MAMDC2: variants seen among roughly 807,000 people sequenced by gnomAD.
The protein encoded by MAMDC2 is MAM domain containing 2.
Under a neutral mutation model 89.8 loss-of-function variants are expected in MAMDC2, and 57 were observed. That is an observed-to-expected ratio of 0.63 (90% CI 0.51 to 0.79). The LOEUF (loss-of-function observed/expected upper bound fraction) is 0.79, where lower values mean the gene tolerates loss of function less well. Among genes scored for constraint, MAMDC2 ranks in the 30% least tolerant of loss-of-function variants. MAMDC2 has a pLI of 0.00. For missense variants in MAMDC2, 800 were observed against 820.6 expected (o/e 0.97, Z 0.31); for synonymous variants, 313 against 293.4 (o/e 1.07, Z -0.68).
At chr9:70,062,827 C>A (rs150747067) in intron 2 of MAMDC2, 1 of 152,216 alleles carries the variant, frequency 6.6e-6, no homozygotes, top group African/African-American at 2.4e-5. Flanking sequence ...GCACAATCTA[C>A]AAAAACTTAG....
At chr9:70,198,052 A>G (rs564148736) in intron 11 of MAMDC2, among the ~76,000 whole-genome samples, 20 of 150,750 alleles carry the variant, frequency 1.3e-4, no homozygotes, top group African/African-American at 4.7e-4. Flanking sequence ...ATATTTTTAT[A>G]ATTGTTCTAT....
chr9:70,135,111 T>A (rs7020575), intron 7 of MAMDC2, among the ~76,000 whole-genome samples: 136,484 of 152,258 alleles, frequency 0.9, 61,570 homozygotes, highest in East Asian at 1. Context: ...TCTCATTTCT[T>A]AAAAGTTCAA....
chr9:70,199,446 A>G (rs987094085), intron 11 of MAMDC2, among the ~76,000 whole-genome samples: 2 of 148,860 alleles, frequency 1.3e-5, no homozygotes, highest in Non-Finnish European at 3.0e-5. Flanking sequence ...AATCCAGTCT[A>G]TCATTGTTGG....
At chr9:70,101,980 A>G (rs1828208638) in intron 2 of MAMDC2, among the ~76,000 whole-genome samples, 1 of 152,222 alleles carries the variant, frequency 6.6e-6, no homozygotes, top group African/African-American at 2.4e-5. Flanking sequence ...TGCCATTTTT[A>G]TGTACAACAC....
chr9:70,162,694 G>A (rs1235045930), intron 9 of MAMDC2, among the ~76,000 whole-genome samples: 1 of 151,986 alleles, frequency 6.6e-6, no homozygotes, highest in Non-Finnish European at 1.5e-5. Context: ...GTTTTGCCAT[G>A]TTGCTCAGGC....
At chr9:70,073,869 G>A (rs1015606146) in intron 2 of MAMDC2, among the ~76,000 whole-genome samples, 4 of 152,170 alleles carry the variant, frequency 2.6e-5, no homozygotes, top group African/African-American at 9.7e-5. Context: ...AACAGTGCCT[G>A]TGATTACTTC....
chr9:70,054,746 G>T (rs1227894439), intron 2 of MAMDC2, among the ~76,000 whole-genome samples: 1 of 152,082 alleles, frequency 6.6e-6, no homozygotes, highest in Non-Finnish European at 1.5e-5. Context: ...CTAAGAGCCT[G>T]GGAATTCCTT....
chr9:70,089,730 C>G (rs949791921), intron 2 of MAMDC2, among the ~76,000 whole-genome samples: 2 of 152,098 alleles, frequency 1.3e-5, no homozygotes, highest in Non-Finnish European at 2.9e-5. Flanking sequence ...CCAAATAAAT[C>G]TTAGGAACTA....
chr9:70,116,886 C>G (rs1350153479), intron 5 of MAMDC2, among the ~76,000 whole-genome samples: 1 of 152,076 alleles, frequency 6.6e-6, no homozygotes, highest in African/African-American at 2.4e-5. Context: ...TCCCTCTTCC[C>G]CTCCCATCTC....
intron 5 of MAMDC2, among the ~76,000 whole-genome samples, chr9:70,121,472 T>A (rs2030283352): frequency 6.6e-6 from 1 of 152,234 alleles, no homozygotes. Flanking sequence ...AGATTGATTT[T>A]CACTCTGTGT....
At chr9:70,175,543 A>G (rs2032472515) in intron 11 of MAMDC2, among the ~76,000 whole-genome samples, 1 of 152,164 alleles carries the variant, frequency 6.6e-6, no homozygotes, top group Admixed American at 6.5e-5. Context: ...ACTTGGCCTA[A>G]TTTATAAATT....
intron 6 of MAMDC2, 40 bp downstream of exon 6, chr9:70,126,455 T>C: frequency 1.3e-6 from 2 of 1,582,406 alleles, no homozygotes; most frequent in Non-Finnish European, 1.7e-6. Context: ...ACTGGCACTC[T>C]TTAGACATGC....
rs529645587 is a variant in MAMDC2 at position 70,148,878 on chromosome 9, A to T, written c.1404+5059A>T. On this transcript the variant is annotated intron_variant, in intron 9 of 13. Coordinates refer to ENST00000377182, the MANE Select transcript of MAMDC2 (RefSeq NM_153267.5). ...CCCCGTGTCTACTAAAAATACAAAAAATTAGCCGGGCGTGGTGGCAAGCAC... is the reference window on the plus strand; with the variant it reads ...CCCCGTGTCTACTAAAAATACAAAATATTAGCCGGGCGTGGTGGCAAGCAC... 1.3e-4 allele frequency among the ~76,000 whole-genome samples: 20 copies of T among 149,262 alleles called. No homozygotes were observed. The East Asian group carries it at 2.9e-3, about 22-fold the overall frequency.
intron 11 of MAMDC2, chr9:70,175,606 G>C (rs964865501): frequency 6.6e-6 from 1 of 152,114 alleles, no homozygotes; most frequent in African/African-American, 2.4e-5. Flanking sequence ...TATACATAGG[G>C]TTCAGTAGTA....
rs1289409261 is a variant in MAMDC2 at position 70,084,462 on chromosome 9, C to A, written c.149-23749C>A. On this transcript the variant is annotated intron_variant, in intron 2 of 13. Coordinates refer to ENST00000377182, the MANE Select transcript of MAMDC2 (RefSeq NM_153267.5). ...ATGAATGAACTCAGAGCTGGTTCCA[C>A]GTCATCATGCCATGGGCTCCATATA... Among the ~76,000 whole-genome samples, 10 of 152,060 alleles carry A rather than the reference C, an allele frequency of 6.6e-5. No individual in the cohort carries two copies. In the South Asian group the frequency reaches 1.5e-3, roughly 22 times the overall value.
At chr9:70,085,559 A>G (rs920682351) in intron 2 of MAMDC2, among the ~76,000 whole-genome samples, 3 of 152,062 alleles carry the variant, frequency 2.0e-5, no homozygotes, top group African/African-American at 7.2e-5. Flanking sequence ...TCCTGACGCC[A>G]TCTGTGTTTC....
chr9:70,142,435 A>T (rs554051917), intron 8 of MAMDC2, among the ~76,000 whole-genome samples: 1 of 152,318 alleles, frequency 6.6e-6, no homozygotes, highest in East Asian at 1.9e-4. Flanking sequence ...AGCCACTGAG[A>T]GGTTTTAAGC....
At chr9:70,045,131 C>T (rs1282327794) in intron 2 of MAMDC2, among the ~76,000 whole-genome samples, 1 of 152,234 alleles carries the variant, frequency 6.6e-6, no homozygotes, top group East Asian at 1.9e-4. Context: ...AATGGTTCCA[C>T]AATTCTGTGA....
intron 11 of MAMDC2, among the ~76,000 whole-genome samples, chr9:70,183,377 A>G (rs1291551737): frequency 6.6e-6 from 1 of 152,166 alleles, no homozygotes; most frequent in Non-Finnish European, 1.5e-5. Flanking sequence ...CTTGGTCCAG[A>G]GCTGAGTTCA....
Sources: allele counts gnomAD v4.1 joint callset (sites outside exome capture counted in the v4.1 genomes callset), GRCh38; gene constraint gnomAD v4.1.1; transcripts MANE v1.5; gene names NCBI Gene and HGNC (gene_info 2026-07-23, HGNC 2026-07-21).